The following ARPC5L variants were observed in gnomAD, a reference collection of about 807,000 sequenced individuals.
The protein encoded by ARPC5L is actin related protein 2/3 complex subunit 5 like.
ARPC5L carries 4 observed loss-of-function variants against 16.9 expected under a neutral mutation model. That is an observed-to-expected ratio of 0.24 (90% CI 0.12 to 0.54). The LOEUF is 0.54. ARPC5L is among the 20% of genes least tolerant of loss of function. The pLI is 0.95. For missense variants in ARPC5L, 151 were observed against 201.9 expected (o/e 0.75, Z 1.53); for synonymous variants, 78 against 82.6 (o/e 0.94, Z 0.30).
chr9:124,872,065 CTGAAG>C (rs1241603656), intron 3 of ARPC5L, among the ~76,000 whole-genome samples: 9 of 152,316 alleles, frequency 5.9e-5, no homozygotes, highest in Admixed American at 2.0e-4. Flanking sequence ...CTCCCAACTG[CTGAAG>C]GCCCTCACCC....
intron 4 of ARPC5L, among the ~76,000 whole-genome samples, chr9:124,874,030 G>C (rs1372863446): frequency 6.6e-6 from 1 of 152,230 alleles, no homozygotes; most frequent in Non-Finnish European, 1.5e-5. Context: ...GGCCCTGGCT[G>C]ATGAGGAAAA....
Position 124,874,964 on chromosome 9 carries a change from T to C in ARPC5L, c.223-11T>C. Reference sequence around the variant, plus strand: ...CAGCTCTGGGACTCACTTGCTCTTTTTCGTCTGCAGGAGCGAGCCCAGGGC... The same window carrying C: ...CAGCTCTGGGACTCACTTGCTCTTTCTCGTCTGCAGGAGCGAGCCCAGGGC... On this transcript the variant is annotated splice_polypyrimidine_tract_variant and intron_variant, in intron 4 of 5. Transcript: ENST00000353214. The C allele has an allele frequency of 6.2e-7, 1 of 1,613,490 alleles. No individual in the cohort carries two copies. The highest frequency in any genetic ancestry group is 8.5e-7 in the Non-Finnish European group (1 of 1,179,870).
In ARPC5L at chr9:124,862,250, T is replaced by C. The variant is rs1047150650; in HGVS notation, c.-1132T>C. On this transcript the variant is annotated 5_prime_UTR_variant, in exon 1 of 6. Coordinates refer to ENST00000353214, the MANE Select transcript of ARPC5L (RefSeq NM_030978.3). ...CACACGGAGGACTCAAATTCGTCCATTCAGTCATTCGTTCATTCATTCCTT... is the reference window on the plus strand; with the variant it reads ...CACACGGAGGACTCAAATTCGTCCACTCAGTCATTCGTTCATTCATTCCTT... The C allele has an allele frequency of 2.4e-5, 8 of 332,364 alleles. No homozygotes were observed. The South Asian group carries it at 3.7e-4, about 15-fold the overall frequency. 20.6% of individuals were successfully genotyped at this position (332,364 alleles called of 1,614,324 possible).
At chr9:124,865,315 TA>T (rs11414499) in intron 2 of ARPC5L, among the ~76,000 whole-genome samples, 47 of 107,044 alleles carry the variant, frequency 4.4e-4, no homozygotes, top group African/African-American at 1.0e-3. Flanking sequence ...AAACTCTGTC[TA>T]AAAAAAAAAA....
chr9:124,876,957 C>T lies in ARPC5L; in HGVS notation c.*17C>T, dbSNP rs1198960214. On this transcript the variant is annotated 3_prime_UTR_variant, in exon 6 of 6. Transcript: ENST00000353214. The stretch of plus-strand genomic sequence containing the variant: ...ACTGTTTAAAAAAAATAAAAAGACT[C>T]ATGTTACCTTGAGAAGAATTCTGGA... 6.2e-7 allele frequency: 1 copy of T among 1,601,070 alleles called. No individual in the cohort carries two copies. Among genetic ancestry groups the T allele is most frequent in the East Asian group, 2.2e-5 (1 of 44,720 alleles).
rs1829465635 is a variant in ARPC5L at position 124,877,621 on chromosome 9, A to C, written c.*681A>C. ...GCCTCAGAGCTGCCGGCTGCTGCAGAGAGGTGTTTGCTGAATAAACTATTT... is the reference window on the plus strand; with the variant it reads ...GCCTCAGAGCTGCCGGCTGCTGCAGCGAGGTGTTTGCTGAATAAACTATTT... On this transcript the variant is annotated 3_prime_UTR_variant, in exon 6 of 6. Transcript: ENST00000353214. The C allele has an allele frequency of 6.6e-6, 1 of 152,268 alleles. No homozygotes were observed. Among genetic ancestry groups the C allele is most frequent in the Non-Finnish European group, 1.5e-5 (1 of 68,054 alleles). The allele number at this position is 152,268 out of a possible 1,614,324, so 9.4% of individuals were successfully genotyped here. A position where few individuals can be genotyped will look rare whatever the true frequency, so the allele number is the denominator to read the frequency against.
chr9:124,863,405 C>T (rs7850013), intron 1 of ARPC5L, among the ~76,000 whole-genome samples: 51,652 of 151,978 alleles, frequency 0.34, 9,479 homozygotes, highest in Middle Eastern at 0.45. Context: ...CCTCAGCCTC[C>T]CAAAATACTG....
At chr9:124,863,188 T>C (rs1468434645) in intron 1 of ARPC5L, among the ~76,000 whole-genome samples, 1 of 151,934 alleles carries the variant, frequency 6.6e-6, no homozygotes, top group Non-Finnish European at 1.5e-5. Context: ...GGAGTCTGGC[T>C]CTGTCGCCTA....
At chr9:124,873,392 G>A in intron 3 of ARPC5L, 3 of 441,100 alleles carry the variant, frequency 6.8e-6, no homozygotes, top group South Asian at 6.7e-5. Context: ...ACAGTGCTCA[G>A]CACCAAGCAG....
At chr9:124,875,937 C>A (rs1437106590) in intron 5 of ARPC5L, among the ~76,000 whole-genome samples, 1 of 152,130 alleles carries the variant, frequency 6.6e-6, no homozygotes, top group Non-Finnish European at 1.5e-5. Flanking sequence ...GGTCTGCTGG[C>A]GGGTGTGCTG....
rs907105163 is a variant in ARPC5L, at chr9:124,868,632, A to G, written c.-659A>G. On this transcript the variant is annotated 5_prime_UTR_variant, in exon 3 of 6. Transcript: ENST00000353214. ...CCGTGATCGCACTAAACGTATTTAA[A>G]GCCCCCTACTCCTTTAAGAGGGTCA... is the stretch of plus-strand genomic sequence containing the variant. The G allele has an allele frequency of 1.3e-5, 2 of 152,252 alleles. No homozygotes were observed. The highest frequency in any genetic ancestry group is 2.1e-4 in the South Asian group (1 of 4,834). The allele number at this position is 152,252 out of a possible 1,614,324, so 9.4% of individuals were successfully genotyped here.
At position 124,876,741 on chromosome 9, in the gene ARPC5L, G is replaced by A. The variant is rs150971806; in HGVS notation, c.400-137G>A. 78 of 692,572 alleles carry A rather than the reference G, an allele frequency of 1.1e-4. 1 individual carries two copies. The highest frequency in any genetic ancestry group is 1.9e-4 in the South Asian group (10 of 52,378). 42.9% of individuals were successfully genotyped at this position (692,572 alleles called of 1,614,324 possible). On this transcript the variant is annotated intron_variant, in intron 5 of 5. Transcript: ENST00000353214. Reference sequence around the variant, plus strand: ...GGACAGGGCTCCTTCCCTAGAATGTGCTCTATCTCAGGAATCCTCTTTCGA... The same window carrying A: ...GGACAGGGCTCCTTCCCTAGAATGTACTCTATCTCAGGAATCCTCTTTCGA...
intron 4 of ARPC5L, among the ~76,000 whole-genome samples, 193 bp downstream of exon 4, chr9:124,873,957 C>T (rs941288380): frequency 2.0e-5 from 3 of 152,156 alleles, no homozygotes; most frequent in Non-Finnish European, 2.9e-5. Context: ...CGTTTATATA[C>T]GAGAACCTCC....
At chr9:124,866,289 A>G (rs985059905) in intron 2 of ARPC5L, among the ~76,000 whole-genome samples, 15 of 151,812 alleles carry the variant, frequency 9.9e-5, no homozygotes, top group Admixed American at 7.9e-4. Flanking sequence ...CGGTAATCCC[A>G]GCTACTCCAG....
rs775887896 is a variant in ARPC5L, at chr9:124,876,979, T to C, written c.*39T>C. The C allele has an allele frequency of 1.9e-6, 3 of 1,547,860 alleles. No homozygotes were observed. The Admixed American group carries it at 5.3e-5, about 28-fold the overall frequency. ...ACTCATGTTACCTTGAGAAGAATTC[T>C]GGATGCCCAGGCTGGTGAAGAAGGG... On this transcript the variant is annotated 3_prime_UTR_variant, in exon 6 of 6. Coordinates refer to ENST00000353214, the MANE Select transcript of ARPC5L (RefSeq NM_030978.3).
rs746907263 is a variant in ARPC5L, at chr9:124,873,696, G to C, written c.154G>C (p.Asp52His). 1 of 1,614,222 alleles carries C rather than the reference G, an allele frequency of 6.2e-7. No homozygotes were observed. The highest frequency in any genetic ancestry group is 2.2e-5 in the East Asian group (1 of 44,878). Residue 52 changes from aspartate (D) to histidine (H), a missense_variant, in exon 4 of 6, where the codon GAC becomes CAC. Asp to His is a moderately conservative substitution (Grantham distance 81). Transcript: ENST00000353214. Reference protein sequence around the residue: ...SEVDGLLRQGDMLRAFHAALR... With the variant: ...SEVDGLLRQGHMLRAFHAALR... ...CCTTAACTGGTGGTGATGCACAGGG[G>C]ACATGCTTCGGGCATTCCATGCAGC...
Position 124,875,023 on chromosome 9 carries a change from A to G in ARPC5L, c.271A>G (p.Ser91Gly). The G allele has an allele frequency of 6.2e-7, 1 of 1,614,070 alleles. No individual in the cohort carries two copies. The highest frequency in any genetic ancestry group is 1.3e-5 in the African/African-American group (1 of 75,054). The change falls in exon 5 of 6, where the codon AGT becomes GGT. Residue 91 changes from serine (S) to glycine (G), a missense_variant. Coordinates refer to ENST00000353214, the MANE Select transcript of ARPC5L (RefSeq NM_030978.3). ...GAAAGTGCTCACAAACTTCAAGAGC[A>G]GTGAGATTGAGCAGGCTGTGCAGTC... ...VLKVLTNFKSSEIEQAVQSLD... is the reference protein window; with the variant it reads ...VLKVLTNFKSGEIEQAVQSLD...
chr9:124,875,181 A>T lies in ARPC5L; in HGVS notation c.399+30A>T, dbSNP rs200824108. On this transcript the variant is annotated intron_variant, in intron 5 of 5. Coordinates refer to ENST00000353214, the MANE Select transcript of ARPC5L (RefSeq NM_030978.3). ...GTGAACGCTGCCACGCGCCCCAGTGAGCCACCTGGCTTGCCTTGGGGTTCG... is the reference window on the plus strand; with the variant it reads ...GTGAACGCTGCCACGCGCCCCAGTGTGCCACCTGGCTTGCCTTGGGGTTCG... 15 of 1,602,502 alleles carry T rather than the reference A, an allele frequency of 9.4e-6. No homozygotes were observed. In the East Asian group the frequency reaches 3.4e-4, roughly 36 times the overall value.
rs1829315447 is a variant in ARPC5L at position 124,869,164 on chromosome 9, C to G, written c.-127C>G. ...GGGCGGCGGCGGCTGCGCGCGGAGG[C>G]GGTGGAGGAGGTGCTGGGAGCAGCC... On this transcript the variant is annotated 5_prime_UTR_variant, in exon 3 of 6. Coordinates refer to ENST00000353214, the MANE Select transcript of ARPC5L (RefSeq NM_030978.3). The G allele has an allele frequency of 2.8e-6, 3 of 1,071,256 alleles. No homozygotes were observed. The highest frequency in any genetic ancestry group is 3.6e-6 in the Non-Finnish European group (3 of 827,552). 66.4% of individuals were successfully genotyped at this position (1,071,256 alleles called of 1,614,324 possible). A position where few individuals can be genotyped will look rare whatever the true frequency, so the allele number is the denominator to read the frequency against.
Sources: allele counts gnomAD v4.1 joint callset (sites outside exome capture counted in the v4.1 genomes callset), GRCh38; gene constraint gnomAD v4.1.1; transcripts MANE v1.5; gene names NCBI Gene and HGNC (gene_info 2026-07-23, HGNC 2026-07-21).